The following VWC2L variants were observed in gnomAD, a reference collection of about 807,000 sequenced individuals.
The protein encoded by VWC2L is von Willebrand factor C domain containing 2 like, also known as von Willebrand factor C domain-containing protein 2-like.
A neutral mutation model predicts 21.6 loss-of-function variants in VWC2L; 10 were observed. That is an observed-to-expected ratio of 0.46 (90% CI 0.29 to 0.78). The LOEUF (loss-of-function observed/expected upper bound fraction) is 0.78. VWC2L is among the 30% of genes least tolerant of loss of function. The probability of loss-of-function intolerance (pLI) is 0.10; values close to 1 mark genes in which losing one functional copy is unlikely to be tolerated. For missense variants in VWC2L, 209 were observed against 277.1 expected (o/e 0.75, Z 1.74); for synonymous variants, 96 against 94.3 (o/e 1.02, Z -0.10).
At chr2:214,509,163 G>T (rs892030845) in intron 3 of VWC2L, among the ~76,000 whole-genome samples, 2 of 152,016 alleles carry the variant, frequency 1.3e-5, no homozygotes, top group African/African-American at 4.8e-5. Context: ...TTTCACACTG[G>T]CATTTCTAGA....
At chr2:214,467,996 A>G (rs770434132) in intron 3 of VWC2L, among the ~76,000 whole-genome samples, 61 of 152,084 alleles carry the variant, frequency 4.0e-4, no homozygotes, top group Non-Finnish European at 5.9e-5. Context: ...GACAGAAAAT[A>G]AATAATAATA....
chr2:214,467,448 T>C (rs1164740483), intron 3 of VWC2L, among the ~76,000 whole-genome samples: 2 of 152,208 alleles, frequency 1.3e-5, no homozygotes, highest in African/African-American at 4.8e-5. Flanking sequence ...CCCATGACTA[T>C]GGCCTAGAAA....
At position 214,484,378 on chromosome 2, in the gene VWC2L, C is replaced by T. The variant is rs374244459; in HGVS notation, c.520+47620C>T. Among the ~76,000 whole-genome samples, 15 of 152,270 alleles carry T rather than the reference C, an allele frequency of 9.9e-5. No homozygotes were observed. In the East Asian group the frequency reaches 2.1e-3, roughly 22 times the overall value. On this transcript the variant is annotated intron_variant, in intron 3 of 3. Transcript: ENST00000312504. ...GTGTGACACTGGGCAACTCACTTGA[C>T]GGCTCCAGGCCTCGGTACCTTGCCT... is the stretch of plus-strand genomic sequence containing the variant.
At chr2:214,472,699 G>C (rs4331499) in intron 3 of VWC2L, among the ~76,000 whole-genome samples, 7 of 152,176 alleles carry the variant, frequency 4.6e-5, no homozygotes, top group African/African-American at 1.7e-4. Flanking sequence ...ATGGTGATGA[G>C]ATTGCCATTG....
chr2:214,507,750 T>C (rs1439195092), intron 3 of VWC2L, among the ~76,000 whole-genome samples: 5 of 152,204 alleles, frequency 3.3e-5, no homozygotes, highest in African/African-American at 9.6e-5. Context: ...CGTATTTCTA[T>C]TGAACAGCCT....
intron 3 of VWC2L, among the ~76,000 whole-genome samples, chr2:214,489,017 G>A (rs138093279): frequency 7.9e-5 from 12 of 152,256 alleles, no homozygotes; most frequent in Non-Finnish European, 1.3e-4. Context: ...ATTTGATGGG[G>A]ACAAACTTGA....
At chr2:214,555,940 G>A (rs545029101) in intron 3 of VWC2L, among the ~76,000 whole-genome samples, 14 of 152,172 alleles carry the variant, frequency 9.2e-5, no homozygotes, top group African/African-American at 3.1e-4. Context: ...ATGATGAAAG[G>A]CAAAGGTCCC....
chr2:214,427,939 T>G (rs751051942), intron 2 of VWC2L, among the ~76,000 whole-genome samples: 1 of 152,130 alleles, frequency 6.6e-6, no homozygotes, highest in Non-Finnish European at 1.5e-5. Context: ...TGATTCACAG[T>G]GGGTTGAATC....
chr2:214,503,095 CCAAA>C (rs1246643725), intron 3 of VWC2L, among the ~76,000 whole-genome samples: 1 of 152,152 alleles, frequency 6.6e-6, no homozygotes, highest in Non-Finnish European at 1.5e-5. Flanking sequence ...GCACGTAGCA[CCAAA>C]CCCAAGAACC....
intron 3 of VWC2L, among the ~76,000 whole-genome samples, chr2:214,486,689 CTTTA>C (rs559311624): frequency 5.3e-4 from 80 of 152,230 alleles, no homozygotes; most frequent in African/African-American, 1.5e-3. Flanking sequence ...TTAAGATGTT[CTTTA>C]TTTATTTTTT....
intron 3 of VWC2L, among the ~76,000 whole-genome samples, chr2:214,504,732 T>C (rs965798233): frequency 1.3e-5 from 2 of 152,024 alleles, no homozygotes; most frequent in African/African-American, 4.8e-5. Flanking sequence ...TGCTTCATGA[T>C]TGCAAAGTAC....
At chr2:214,436,844 C>A in intron 3 of VWC2L, 86 bp downstream of exon 3, 1 of 1,486,928 alleles carries the variant, frequency 6.7e-7, no homozygotes, top group South Asian at 1.2e-5. Context: ...ATGCAAGACC[C>A]CTCTAAGATC....
At chr2:214,571,535 A>T (rs1196988992) in intron 3 of VWC2L, among the ~76,000 whole-genome samples, 2 of 152,188 alleles carry the variant, frequency 1.3e-5, no homozygotes, top group Non-Finnish European at 2.9e-5. Flanking sequence ...CTAAGTTCAG[A>T]AAATAAGTTC....
chr2:214,434,248 T>G (rs761110287), intron 2 of VWC2L, among the ~76,000 whole-genome samples: 11 of 152,214 alleles, frequency 7.2e-5, no homozygotes, highest in African/African-American at 2.7e-4. Context: ...TATTGGTCTT[T>G]ACTGGATTAT....
chr2:214,422,574 G>A (rs1702458597), intron 2 of VWC2L, among the ~76,000 whole-genome samples: 1 of 152,132 alleles, frequency 6.6e-6, no homozygotes, highest in Non-Finnish European at 1.5e-5. Context: ...AGTGATCAAT[G>A]TCTTTGCTTT....
chr2:214,574,390 T>C (rs1335092241), intron 3 of VWC2L, among the ~76,000 whole-genome samples: 1 of 152,160 alleles, frequency 6.6e-6, no homozygotes, highest in Non-Finnish European at 1.5e-5. Flanking sequence ...CCATAACATA[T>C]TGAATAGCCT....
intron 3 of VWC2L, among the ~76,000 whole-genome samples, chr2:214,458,483 T>C (rs935087213): frequency 6.6e-6 from 1 of 152,108 alleles, no homozygotes; most frequent in Non-Finnish European, 1.5e-5. Context: ...TTGGGTTTTG[T>C]TTGTTCTTGC....
intron 3 of VWC2L, among the ~76,000 whole-genome samples, chr2:214,477,259 G>T (rs1559302466): frequency 6.6e-6 from 1 of 152,138 alleles, no homozygotes; most frequent in Non-Finnish European, 1.5e-5. Context: ...TAGCAATGTT[G>T]GGAAATTCCC....
At chr2:214,516,417 T>C (rs1468834243) in intron 3 of VWC2L, among the ~76,000 whole-genome samples, 1 of 152,040 alleles carries the variant, frequency 6.6e-6, no homozygotes, top group Non-Finnish European at 1.5e-5. Flanking sequence ...ATCTTGTGAA[T>C]CAACTGTTTC....
Sources: allele counts gnomAD v4.1 joint callset (sites outside exome capture counted in the v4.1 genomes callset), GRCh38; gene constraint gnomAD v4.1.1; transcripts MANE v1.5; gene names NCBI Gene and HGNC (gene_info 2026-07-23, HGNC 2026-07-21).